Variants in PCDHGA4 observed in about 807,000 individuals in gnomAD.
PCDHGA4 encodes the protein protocadherin gamma subfamily A, 4, also known as protocadherin gamma-A4.
In PCDHGA4, 38 loss-of-function variants were observed where a neutral mutation model predicts 54.6. That is an observed-to-expected ratio of 0.70 (90% CI 0.54 to 0.91). PCDHGA4 has a LOEUF of 0.91. PCDHGA4 is among the 40% of genes least tolerant of loss of function. The pLI is 0.00. For missense variants in PCDHGA4, 1,298 were observed against 1,220.9 expected (o/e 1.06, Z -0.94); for synonymous variants, 511 against 512.9 (o/e 1.00, Z 0.05).
Position 141,511,344 on chromosome 5 carries a change from T to G in PCDHGA4, c.*171T>G, listed in dbSNP as rs2099883730. 3 of 1,419,052 alleles carry G rather than the reference T, an allele frequency of 2.1e-6. No homozygotes were observed. Among genetic ancestry groups the G allele is most frequent in the Non-Finnish European group, 2.8e-6 (3 of 1,067,404 alleles). 87.9% of individuals were successfully genotyped at this position (1,419,052 alleles called of 1,614,324 possible). On this transcript the variant is annotated 3_prime_UTR_variant, in exon 4 of 4. Coordinates refer to ENST00000571252, the MANE Select transcript of PCDHGA4 (RefSeq NM_018917.4). The stretch of plus-strand genomic sequence containing the variant: ...CAAGTGCCCAGTCAGCACCTACCCC[T>G]TCCCCCCCAGGGGGTTGAATATGCA...
intron 1 of PCDHGA4, chr5:141,413,132 A>C (rs1313665743): frequency 1.3e-6 from 2 of 1,542,144 alleles, no homozygotes; most frequent in Admixed American, 4.0e-5. Context: ...GAAACACACA[A>C]CGTGTCCAGT....
At chr5:141,464,558 A>G (rs1276921889) in intron 1 of PCDHGA4, among the ~76,000 whole-genome samples, 2 of 152,176 alleles carry the variant, frequency 1.3e-5, no homozygotes, top group Non-Finnish European at 2.9e-5. Context: ...CCCATCTTGC[A>G]TTCCTACAAA....
intron 1 of PCDHGA4, among the ~76,000 whole-genome samples, chr5:141,401,338 A>G (rs2094142012): frequency 6.6e-6 from 1 of 152,186 alleles, no homozygotes; most frequent in Non-Finnish European, 1.5e-5. Flanking sequence ...GCAAAACTCC[A>G]TCTCAAAAAA....
intron 1 of PCDHGA4, among the ~76,000 whole-genome samples, chr5:141,480,272 G>A (rs903112862): frequency 7.2e-6 from 1 of 138,796 alleles, no homozygotes; most frequent in African/African-American, 3.0e-5. Flanking sequence ...TTCATTAGCT[G>A]GGTGTGTTGG....
chr5:141,423,348 C>G, intron 1 of PCDHGA4: 1 of 1,614,222 alleles, frequency 6.2e-7, no homozygotes. Flanking sequence ...TCTTCCTGGT[C>G]TTTGTCATCG....
At chr5:141,375,611 G>T in intron 1 of PCDHGA4, 1 of 1,614,178 alleles carries the variant, frequency 6.2e-7, no homozygotes, top group Non-Finnish European at 8.5e-7. Flanking sequence ...CATCAACTCC[G>T]ACACTGGGAT....
rs34752215 is a variant in PCDHGA4 at position 141,427,657 on chromosome 5, A to C, written c.2515-67150A>C. The C allele has an allele frequency of 1.4e-3, 1,030 of 734,210 alleles. 5 individuals carry two copies. Among genetic ancestry groups the C allele is most frequent in the Middle Eastern group, 5.7e-3 (25 of 4,398 alleles). The allele number at this position is 734,210 out of a possible 1,614,324, so 45.5% of individuals were successfully genotyped here. On this transcript the variant is annotated intron_variant, in intron 1 of 3. Coordinates refer to ENST00000571252, the MANE Select transcript of PCDHGA4 (RefSeq NM_018917.4). The stretch of plus-strand genomic sequence containing the variant: ...TTCCACCAAGTCTCCTACGTGGTCC[A>C]CGTGGCCGAAAACAACCTTCCCGGA...
At chr5:141,417,982 G>A (rs756382601) in intron 1 of PCDHGA4, 4 of 1,613,886 alleles carry the variant, frequency 2.5e-6, no homozygotes, top group Admixed American at 3.3e-5. Flanking sequence ...CGGAGGAGCT[G>A]GCCAAGGGCT....
At chr5:141,437,986 C>T (rs2097921856) in intron 1 of PCDHGA4, among the ~76,000 whole-genome samples, 1 of 152,096 alleles carries the variant, frequency 6.6e-6, no homozygotes, top group African/African-American at 2.4e-5. Context: ...TGCACCCACC[C>T]CACCTCAGCC....
At position 141,362,587 on chromosome 5, in the gene PCDHGA4, G is replaced by A. The variant is rs747611453; in HGVS notation, c.2514+4966G>A. The A allele has an allele frequency of 3.8e-6, 6 of 1,594,472 alleles. No individual in the cohort carries two copies. In the East Asian group the frequency reaches 1.3e-4, roughly 36 times the overall value. On this transcript the variant is annotated intron_variant, in intron 1 of 3. Coordinates refer to ENST00000571252, the MANE Select transcript of PCDHGA4 (RefSeq NM_018917.4). ...CTTTAATTAATTTATTTTCACTTCT[G>A]GTTTTATTGTTTCACCTAATTTGGG...
chr5:141,478,322 C>A, intron 1 of PCDHGA4: 3 of 1,613,976 alleles, frequency 1.9e-6, no homozygotes, highest in Non-Finnish European at 2.5e-6. Context: ...CTCACTGTAC[C>A]GAACACCAGG....
chr5:141,428,305 G>T (rs751498223), intron 1 of PCDHGA4: 8 of 694,348 alleles, frequency 1.2e-5, no homozygotes. Flanking sequence ...GATTTACCTG[G>T]TCGTGGCCTT....
At chr5:141,370,227 G>C (rs375551989) in intron 1 of PCDHGA4, 1 of 585,120 alleles carries the variant, frequency 1.7e-6, no homozygotes. Context: ...GCTGCAGCCA[G>C]CTCGGAAGAA....
chr5:141,427,646 C>A, intron 1 of PCDHGA4: 1 of 715,440 alleles, frequency 1.4e-6, no homozygotes, highest in East Asian at 2.7e-5. Context: ...ACCAAGTCTC[C>A]TACGTGGTCC....
chr5:141,482,601 A>T (rs1158399317), intron 1 of PCDHGA4, among the ~76,000 whole-genome samples: 1 of 152,002 alleles, frequency 6.6e-6, no homozygotes, highest in Non-Finnish European at 1.5e-5. Flanking sequence ...ACGGGAAAAA[A>T]CACCTAAATG....
intron 1 of PCDHGA4, among the ~76,000 whole-genome samples, chr5:141,447,244 A>T (rs1475037979): frequency 6.6e-6 from 1 of 152,062 alleles, no homozygotes; most frequent in Non-Finnish European, 1.5e-5. Flanking sequence ...GGTTCAAGTG[A>T]TTCTTCTGTC....
At chr5:141,400,459 G>C (rs1287515286) in intron 1 of PCDHGA4, 1 of 1,614,072 alleles carries the variant, frequency 6.2e-7, no homozygotes, top group Admixed American at 1.7e-5. Flanking sequence ...CATACTTTGT[G>C]GTGATTCATC....
chr5:141,490,200 A>G lies in PCDHGA4; in HGVS notation c.2515-4607A>G. 6.2e-6 allele frequency: 10 copies of G among 1,614,198 alleles called. No homozygotes were observed. The highest frequency in any genetic ancestry group is 8.5e-6 in the Non-Finnish European group (10 of 1,180,032). ...AGTCACGTTTCTATGAAATTCATGC[A>G]AGAGCCCGTGACCAGGGACAGCCTG... On this transcript the variant is annotated intron_variant, in intron 1 of 3. Coordinates refer to ENST00000571252, the MANE Select transcript of PCDHGA4 (RefSeq NM_018917.4). The surrounding 1 kb of genome is among the most constrained non-coding windows in gnomAD (Gnocchi z 5.4).
chr5:141,421,239 G>C, intron 1 of PCDHGA4: 1 of 1,599,000 alleles, frequency 6.3e-7, no homozygotes, highest in South Asian at 1.1e-5. Flanking sequence ...TGGCGAATCG[G>C]CTACAGCGCG....
Sources: gnomAD v4.1 joint callset for allele counts (sites outside exome capture counted in the v4.1 genomes callset) on GRCh38, gnomAD v4.1.1 for gene constraint, Gnocchi (gnomAD v3.1) non-coding constraint, MANE v1.5 for transcripts, NCBI Gene and HGNC (gene_info 2026-07-23, HGNC 2026-07-21) for gene names.